The following DOK7 variants were observed in gnomAD, a reference collection of about 807,000 sequenced individuals.
The protein encoded by DOK7 is docking protein 7, also known as protein Dok-7.
DOK7 carries 32 observed loss-of-function variants against 30.7 expected under a neutral mutation model. That is an observed-to-expected ratio of 1.04 (90% CI 0.79 to 1.40). The LOEUF is 1.40. DOK7 is among the 40% of genes most tolerant of loss of function. The pLI is 0.00. For missense variants in DOK7, 1,007 were observed against 699.2 expected (o/e 1.44, Z -4.97); for synonymous variants, 447 against 324.1 (o/e 1.38, Z -4.07).
intron 6 of DOK7, among the ~76,000 whole-genome samples, chr4:3,490,489 C>A (rs1174871102): frequency 3.0e-5 from 4 of 132,446 alleles, no homozygotes; most frequent in South Asian, 5.3e-4. Context: ...CTCATTCATT[C>A]CTTCCTTTTC....
chr4:3,500,862 G>A (rs369428430), exon 8 of DOK7: 42 of 1,503,950 alleles, frequency 2.8e-5, no homozygotes, highest in Non-Finnish European at 3.4e-5. Flanking sequence ...AACCCGGTGC[G>A]CTGTGCGGCC....
chr4:3,493,708 GGCTCTGGGTCCGGCA>G lies in DOK7; in HGVS notation c.*209_*223del. On this transcript the variant is annotated 3_prime_UTR_variant, in exon 7 of 7. Coordinates refer to ENST00000340083, the MANE Select transcript of DOK7 (RefSeq NM_173660.5). ...GGGGAGGTGAGTTCTGGAAGGCAGG[GGCTCTGGGTCCGGCA>G]GGTCGGGGTCACCAGAGCCCCAATG... 1 of 1,434,616 alleles carries G rather than the reference GGCTCTGGGTCCGGCA, an allele frequency of 7.0e-7. No individual in the cohort carries two copies. The highest frequency in any genetic ancestry group is 2.5e-5 in the East Asian group (1 of 39,618). The allele number at this position is 1,434,616 out of a possible 1,614,324, so 88.9% of individuals were successfully genotyped here. A position where few individuals can be genotyped will look rare whatever the true frequency, so the allele number is the denominator to read the frequency against.
At chr4:3,489,093 G>A (rs1243624743) in intron 5 of DOK7, among the ~76,000 whole-genome samples, 2 of 152,318 alleles carry the variant, frequency 1.3e-5, no homozygotes, top group African/African-American at 2.4e-5. Context: ...GAGAAGGCGA[G>A]GCTGGTGCTC....
chr4:3,497,292 G>A (rs1213263898), downstream of DOK7, among the ~76,000 whole-genome samples: 4 of 152,084 alleles, frequency 2.6e-5, no homozygotes, highest in East Asian at 5.8e-4. Context: ...AGGGAGGAGG[G>A]GCTGTGTCCT....
intron 4 of DOK7, among the ~76,000 whole-genome samples, chr4:3,482,534 G>C (rs1246493838): frequency 6.6e-6 from 1 of 152,262 alleles, no homozygotes; most frequent in East Asian, 1.9e-4. Context: ...CTTTATGCCA[G>C]AGCCATCACT....
At chr4:3,467,242 T>C (rs9997134) in intron 2 of DOK7, among the ~76,000 whole-genome samples, 78,761 of 143,600 alleles carry the variant, frequency 0.55, 22,982 homozygotes, top group African/African-American at 0.81. Context: ...TGGGCCACCA[T>C]GCCTGCTTGC....
chr4:3,468,187 G>GGT (rs1553845193), intron 2 of DOK7, among the ~76,000 whole-genome samples: 1 of 143,470 alleles, frequency 7.0e-6, no homozygotes, highest in Non-Finnish European at 1.5e-5. Context: ...TGTGTGTGGG[G>GGT]GTGTGTGTGC....
chr4:3,494,998 G>A (rs957276240), downstream of DOK7, among the ~76,000 whole-genome samples: 17 of 152,328 alleles, frequency 1.1e-4, no homozygotes, highest in African/African-American at 3.4e-4. Context: ...CTCTGAGCGG[G>A]GAGTTCTGGA....
chr4:3,490,679 G>GCTCATT (rs1728294513), intron 6 of DOK7, among the ~76,000 whole-genome samples: 2 of 41,404 alleles, frequency 4.8e-5, no homozygotes, highest in African/African-American at 9.9e-5. Flanking sequence ...TCCCTTCCCC[G>GCTCATT]CATTCCTTCC....
intron 2 of DOK7, among the ~76,000 whole-genome samples, chr4:3,468,506 GTGTGCGTGTA>G (rs879881019): frequency 6.6e-6 from 1 of 150,668 alleles, no homozygotes; most frequent in African/African-American, 2.5e-5. Flanking sequence ...GCATGTGCGT[GTGTGCGTGTA>G]TGAGTGTGTG....
At chr4:3,500,721 G>C in exon 8 of DOK7, 2 of 1,535,762 alleles carry the variant, frequency 1.3e-6, no homozygotes, top group Non-Finnish European at 1.7e-6. Flanking sequence ...CGCCCAGATC[G>C]ACATCATGGC....
chr4:3,492,162 G>A (rs1271545276), intron 6 of DOK7, among the ~76,000 whole-genome samples: 1 of 152,222 alleles, frequency 6.6e-6, no homozygotes, highest in African/African-American at 2.4e-5. Flanking sequence ...TGGCCTGGCA[G>A]GCGGGAGGCA....
At chr4:3,465,579 C>T (rs1197308558) in intron 2 of DOK7, among the ~76,000 whole-genome samples, 1 of 152,224 alleles carries the variant, frequency 6.6e-6, no homozygotes, top group Non-Finnish European at 1.5e-5. Flanking sequence ...CCACTGGCAC[C>T]TTTCTCCTCC....
chr4:3,487,280 GGCCC>G (rs1727871528), intron 5 of DOK7, among the ~76,000 whole-genome samples: 1 of 152,236 alleles, frequency 6.6e-6, no homozygotes, highest in South Asian at 2.1e-4. Flanking sequence ...AGAAGCCGTG[GGCCC>G]AGCCCCCGCA....
chr4:3,495,091 G>A (rs1176908714), downstream of DOK7, among the ~76,000 whole-genome samples: 2 of 152,152 alleles, frequency 1.3e-5, no homozygotes, highest in Non-Finnish European at 2.9e-5. Context: ...CTGGCTGGGT[G>A]ACCCTACAAG....
chr4:3,498,600 C>G (rs1729038612), downstream of DOK7, among the ~76,000 whole-genome samples: 1 of 152,192 alleles, frequency 6.6e-6, no homozygotes, highest in African/African-American at 2.4e-5. Flanking sequence ...CAGCTCTCCC[C>G]AGGCCCTCAC....
chr4:3,494,152 G>C lies in DOK7; in HGVS notation c.*651G>C. The C allele has an allele frequency of 1.0e-6, 1 of 985,682 alleles. No individual in the cohort carries two copies. The highest frequency in any genetic ancestry group is 1.2e-6 in the Non-Finnish European group (1 of 830,090). The allele number at this position is 985,682 out of a possible 1,614,324, so 61.1% of individuals were successfully genotyped here. ...TCCGGGAGCAGGTGGTGTCCTCAGA[G>C]CAGCCTCGCCTGCTGACCCCACTGG... On this transcript the variant is annotated 3_prime_UTR_variant, in exon 7 of 7. Transcript: ENST00000340083.
At chr4:3,475,717 T>C (rs1397331781) in intron 3 of DOK7, among the ~76,000 whole-genome samples, 1 of 152,052 alleles carries the variant, frequency 6.6e-6, no homozygotes, top group Non-Finnish European at 1.5e-5. Context: ...GGCTGGGGGA[T>C]CCCTGAGCCT....
At chr4:3,492,391 G>A (rs1212635619) in intron 6 of DOK7, among the ~76,000 whole-genome samples, 1 of 151,962 alleles carries the variant, frequency 6.6e-6, no homozygotes, top group Non-Finnish European at 1.5e-5. Context: ...TGCCCCAGGT[G>A]GCCCTGGAAG....
Sources: gnomAD v4.1 joint callset for allele counts (sites outside exome capture counted in the v4.1 genomes callset) on GRCh38, gnomAD v4.1.1 for gene constraint, MANE v1.5 for transcripts, NCBI Gene and HGNC (gene_info 2026-07-23, HGNC 2026-07-21) for gene names.